Variants in EPHA7 observed in about 807,000 individuals in gnomAD.
EPHA7 encodes the protein EPH receptor A7.
EPHA7 carries 25 observed loss-of-function variants against 112.6 expected under a neutral mutation model. That is an observed-to-expected ratio of 0.22 (90% CI 0.16 to 0.31). EPHA7 has a LOEUF of 0.31. EPHA7 is among the 10% of genes least tolerant of loss of function. EPHA7 has a pLI of 1.00. For missense variants in EPHA7, 962 were observed against 1,212.6 expected (o/e 0.79, Z 3.07); for synonymous variants, 437 against 406.5 (o/e 1.07, Z -0.90).
intron 5 of EPHA7, among the ~76,000 whole-genome samples, chr6:93,341,490 T>G (rs1181752231): frequency 2.6e-5 from 4 of 151,758 alleles, no homozygotes; most frequent in Non-Finnish European, 4.4e-5. Flanking sequence ...AATCAAAAGA[T>G]AGGAAAGTAT....
chr6:93,273,460 G>A (rs1044656410), intron 5 of EPHA7, among the ~76,000 whole-genome samples: 11 of 151,908 alleles, frequency 7.2e-5, no homozygotes, highest in African/African-American at 1.4e-4. Flanking sequence ...GCAACCTTCC[G>A]ATGTTTATCC....
chr6:93,404,367 A>G (rs1778585876), intron 3 of EPHA7, among the ~76,000 whole-genome samples: 1 of 151,960 alleles, frequency 6.6e-6, no homozygotes, highest in Non-Finnish European at 1.5e-5. Flanking sequence ...AAAAAAGTTT[A>G]TGTTCATAAA....
chr6:93,336,611 C>T (rs1431826401), intron 5 of EPHA7, among the ~76,000 whole-genome samples: 1 of 152,014 alleles, frequency 6.6e-6, no homozygotes, highest in Non-Finnish European at 1.5e-5. Context: ...CTGTGTTAGC[C>T]AGGATGGTCT....
intron 14 of EPHA7, among the ~76,000 whole-genome samples, chr6:93,248,672 AAAACAAAC>A (rs67661858): frequency 8.0e-5 from 12 of 150,264 alleles, no homozygotes; most frequent in African/African-American, 2.2e-4. Context: ...TCTCTTTTTA[AAAACAAAC>A]AAACAAACAA....
At chr6:93,264,890 T>C (rs1770857639) in intron 7 of EPHA7, among the ~76,000 whole-genome samples, 188 bp from the exon 8 acceptor site, 1 of 151,722 alleles carries the variant, frequency 6.6e-6, no homozygotes, top group African/African-American at 2.4e-5. Context: ...GACAATACTT[T>C]CACATATTTT....
chr6:93,414,565 A>T, intron 2 of EPHA7, 138 bp downstream of exon 2: 3 of 695,124 alleles, frequency 4.3e-6, no homozygotes, highest in Admixed American at 5.5e-5. Flanking sequence ...TCTCATTATA[A>T]ATGCAACATA....
At chr6:93,315,676 C>T (rs927467390) in intron 5 of EPHA7, among the ~76,000 whole-genome samples, 1 of 152,158 alleles carries the variant, frequency 6.6e-6, no homozygotes, top group Admixed American at 6.5e-5. Context: ...TCAAAGTGCT[C>T]ATCACTGAAT....
intron 5 of EPHA7, among the ~76,000 whole-genome samples, chr6:93,295,679 GTTTA>G (rs1206893611): frequency 6.6e-6 from 1 of 151,690 alleles, no homozygotes; most frequent in African/African-American, 2.4e-5. Flanking sequence ...CTTTGAAAGT[GTTTA>G]TTTATTTTCC....
chr6:93,328,113 G>C (rs576581431), intron 5 of EPHA7, among the ~76,000 whole-genome samples: 3 of 151,456 alleles, frequency 2.0e-5, no homozygotes, highest in South Asian at 2.1e-4. Flanking sequence ...TCTCTGTCCA[G>C]AACACTCTTC....
rs555651774 is a variant in EPHA7 at position 93,397,511 on chromosome 6, T to C, written c.832+12990A>G. On this transcript the variant is annotated intron_variant, in intron 3 of 16. Transcript: ENST00000369303. ...AATTCTGAAGAATATGCAATGTTTTTTAAGAATAAAGAAAAATAGCAAGAT... is the reference window on the plus strand; with the variant it reads ...AATTCTGAAGAATATGCAATGTTTTCTAAGAATAAAGAAAAATAGCAAGAT... Among the ~76,000 whole-genome samples, 3 of 151,988 alleles carry C rather than the reference T, an allele frequency of 2.0e-5. No homozygotes were observed. The South Asian group carries it at 6.2e-4, about 32-fold the overall frequency.
intron 3 of EPHA7, among the ~76,000 whole-genome samples, chr6:93,374,604 G>C (rs898691548): frequency 4.6e-5 from 7 of 152,144 alleles, no homozygotes; most frequent in African/African-American, 1.4e-4. Context: ...GAAGAAACTT[G>C]TATCTGTGAA....
intron 5 of EPHA7, among the ~76,000 whole-genome samples, chr6:93,353,736 T>C (rs1775806666): frequency 6.7e-6 from 1 of 149,714 alleles, no homozygotes; most frequent in South Asian, 2.1e-4. Context: ...TTTATCCCCA[T>C]TTTTTTTTTC....
intron 2 of EPHA7, 108 bp from the exon 3 acceptor site, chr6:93,411,278 T>C: frequency 1.2e-6 from 1 of 863,770 alleles, no homozygotes; most frequent in South Asian, 1.7e-5. Flanking sequence ...TTAGGTTGAT[T>C]CCTATGCTGG....
chr6:93,260,850 G>C, intron 9 of EPHA7: 5 of 584,926 alleles, frequency 8.5e-6, no homozygotes, highest in Non-Finnish European at 1.1e-5. Flanking sequence ...AGAGAAGAAG[G>C]AGTATAGGGA....
In EPHA7 at chr6:93,378,260, A is replaced by G. The variant is rs1038727813; in HGVS notation, c.833-19849T>C. Reference sequence around the variant, plus strand: ...AAAGGTCAGAGCTGAAAAGAGAGACAGGAAAAGGAGGTAAGATGTTGTTTT... The same window carrying G: ...AAAGGTCAGAGCTGAAAAGAGAGACGGGAAAAGGAGGTAAGATGTTGTTTT... On this transcript the variant is annotated intron_variant, in intron 3 of 16. Transcript: ENST00000369303. Among the ~76,000 whole-genome samples the G allele has an allele frequency of 3.3e-5, 5 of 152,186 alleles. 1 individual carries two copies. In the South Asian group the frequency reaches 8.3e-4, roughly 25 times the overall value.
intron 8 of EPHA7, 59 bp from the exon 9 acceptor site, chr6:93,263,974 A>T: frequency 7.7e-7 from 1 of 1,304,680 alleles, no homozygotes; most frequent in Non-Finnish European, 1.1e-6. Flanking sequence ...TTTAATATTC[A>T]GTACAATGTA....
At chr6:93,253,205 T>C (rs1770293155) in intron 14 of EPHA7, among the ~76,000 whole-genome samples, 1 of 152,028 alleles carries the variant, frequency 6.6e-6, no homozygotes, top group Admixed American at 6.6e-5. Flanking sequence ...ATGAAATCTT[T>C]GACACTGAGA....
intron 5 of EPHA7, among the ~76,000 whole-genome samples, chr6:93,354,368 T>C (rs987231830): frequency 6.6e-6 from 1 of 152,072 alleles, no homozygotes; most frequent in Non-Finnish European, 1.5e-5. Flanking sequence ...ATTTGAGATG[T>C]AGTCAGACTA....
At chr6:93,325,271 T>C (rs987364128) in intron 5 of EPHA7, among the ~76,000 whole-genome samples, 1 of 151,404 alleles carries the variant, frequency 6.6e-6, no homozygotes, top group African/African-American at 2.4e-5. Context: ...TTATAGAAAC[T>C]TCAGCATTAT....
Sources: allele counts gnomAD v4.1 joint callset (sites outside exome capture counted in the v4.1 genomes callset), GRCh38; gene constraint gnomAD v4.1.1; transcripts MANE v1.5; gene names NCBI Gene and HGNC (gene_info 2026-07-23, HGNC 2026-07-21).